Variants in SHTN1 observed in about 807,000 individuals in gnomAD.
The protein encoded by SHTN1 is shootin 1, also known as shootin-1.
A neutral mutation model predicts 83.1 loss-of-function variants in SHTN1; 42 were observed. That is an observed-to-expected ratio of 0.51 (90% confidence interval 0.39 to 0.65). The LOEUF (loss-of-function observed/expected upper bound fraction) is 0.65, where lower values mean the gene tolerates loss of function less well. Ranked by LOEUF, SHTN1 falls within the 30% of genes least tolerant of loss-of-function variation. The pLI is 0.00. For missense variants in SHTN1, 622 were observed against 737.8 expected (o/e 0.84, Z 1.82); for synonymous variants, 224 against 247.7 (o/e 0.90, Z 0.90).
chr10:116,937,934 T>C (rs943481963), intron 9 of SHTN1, among the ~76,000 whole-genome samples: 2 of 151,608 alleles, frequency 1.3e-5, no homozygotes, highest in African/African-American at 4.8e-5. Context: ...TCTGATATCT[T>C]GTCTTCTGCT....
At chr10:117,092,673 G>A (rs1589929289) in intron 1 of SHTN1, among the ~76,000 whole-genome samples, 1 of 152,314 alleles carries the variant, frequency 6.6e-6, no homozygotes, top group East Asian at 1.9e-4. Context: ...CATGCAGATA[G>A]TTTATGTACT....
intron 11 of SHTN1, among the ~76,000 whole-genome samples, chr10:116,927,347 A>T (rs1020592575): frequency 1.3e-5 from 2 of 152,214 alleles, no homozygotes; most frequent in Non-Finnish European, 1.5e-5. Flanking sequence ...GCTGCTAATA[A>T]AGATATACCC....
chr10:117,016,251 G>T (rs1192918912), intron 2 of SHTN1, among the ~76,000 whole-genome samples: 1 of 152,166 alleles, frequency 6.6e-6, no homozygotes, highest in Non-Finnish European at 1.5e-5. Flanking sequence ...GGTAGTTGTA[G>T]ATGTTTGAGG....
chr10:117,016,704 G>C (rs1282573400), intron 2 of SHTN1, among the ~76,000 whole-genome samples: 1 of 151,364 alleles, frequency 6.6e-6, no homozygotes, highest in African/African-American at 2.4e-5. Context: ...ATCGCACCTG[G>C]CCAAATTATT....
chr10:116,894,287 T>C lies in SHTN1; in HGVS notation c.1673+7478A>G, dbSNP rs189885387. 1.8e-3 allele frequency among the ~76,000 whole-genome samples: 276 copies of C among 152,294 alleles called. 1 individual carries two copies. The highest frequency in any genetic ancestry group is 3.5e-3 in the Non-Finnish European group (239 of 68,028). On this transcript the variant is annotated intron_variant, in intron 16 of 16. Transcript: ENST00000355371. ...AATTAAATGCAAATTAAAATAAAAA[T>C]GGTTTCACTGGAAATGAACATTTTC...
chr10:116,939,117 T>A (rs1849273684), intron 9 of SHTN1, among the ~76,000 whole-genome samples: 1 of 152,180 alleles, frequency 6.6e-6, no homozygotes, highest in Non-Finnish European at 1.5e-5. Context: ...GGGGGTGGGA[T>A]CTGCTGGGCT....
intron 1 of SHTN1, among the ~76,000 whole-genome samples, chr10:117,058,059 T>A (rs534730774): frequency 5.7e-4 from 86 of 152,190 alleles, no homozygotes; most frequent in Non-Finnish European, 9.0e-4. Flanking sequence ...AACATAAAAC[T>A]TCAAACTATA....
chr10:116,995,577 T>C (rs1209693096), intron 1 of SHTN1, among the ~76,000 whole-genome samples: 1 of 152,108 alleles, frequency 6.6e-6, no homozygotes, highest in African/African-American at 2.4e-5. Context: ...CTCCAAAATT[T>C]GGAAACTATT....
At chr10:116,914,805 T>A (rs970791934) in intron 13 of SHTN1, among the ~76,000 whole-genome samples, 1 of 152,172 alleles carries the variant, frequency 6.6e-6, no homozygotes, top group African/African-American at 2.4e-5. Context: ...GAGTGCTCGC[T>A]GTGGTCTAGT....
chr10:117,103,556 G>C (rs1441776320), intron 1 of SHTN1, among the ~76,000 whole-genome samples: 1 of 39,338 alleles, frequency 2.5e-5, no homozygotes, highest in Non-Finnish European at 4.3e-5. Context: ...TTTTTTTTTT[G>C]AGACGGAGTC....
intron 2 of SHTN1, among the ~76,000 whole-genome samples, chr10:117,019,479 T>C (rs571298328): frequency 6.6e-6 from 1 of 152,016 alleles, no homozygotes; most frequent in Non-Finnish European, 1.5e-5. Context: ...CCACCACACC[T>C]ATCCTTAAAA....
upstream of SHTN1, chr10:117,005,609 T>A (rs1212428539): frequency 1.0e-6 from 1 of 988,902 alleles, no homozygotes; most frequent in East Asian, 1.1e-4. Context: ...CTTCCCTAGT[T>A]TTCCCGCAGT....
chr10:116,990,287 C>CTTTTTTTTTTT (rs11399364), intron 1 of SHTN1, among the ~76,000 whole-genome samples: 10 of 119,868 alleles, frequency 8.3e-5, no homozygotes, highest in East Asian at 2.4e-4. Context: ...TTTTTTCTTT[C>CTTTTTTTTTTT]TTTTTTTTTT....
intron 2 of SHTN1, among the ~76,000 whole-genome samples, chr10:117,030,910 G>C (rs1343784794): frequency 6.6e-6 from 1 of 152,056 alleles, no homozygotes; most frequent in Non-Finnish European, 1.5e-5. Context: ...TCTTAAAGAA[G>C]AGGTAGAAAA....
chr10:117,081,329 G>C (rs1853258331), intron 1 of SHTN1, among the ~76,000 whole-genome samples: 1 of 148,108 alleles, frequency 6.8e-6, no homozygotes. Flanking sequence ...TTATATGCTG[G>C]ATTACATTTA....
chr10:117,004,547 G>A (rs1393846296), intron 1 of SHTN1, among the ~76,000 whole-genome samples: 1 of 152,080 alleles, frequency 6.6e-6, no homozygotes, highest in African/African-American at 2.4e-5. Context: ...AAGGAAAGAG[G>A]AACTAGACCG....
rs1256884281 is a variant in SHTN1 at position 116,885,290 on chromosome 10, G to C, written c.*1054C>G. 1 of 152,278 alleles carries C rather than the reference G, an allele frequency of 6.6e-6. No homozygotes were observed. Among genetic ancestry groups the C allele is most frequent in the Non-Finnish European group, 1.5e-5 (1 of 67,994 alleles). The allele number at this position is 152,278 out of a possible 1,614,324, so 9.4% of individuals were successfully genotyped here. A position where few individuals can be genotyped will look rare whatever the true frequency, so the allele number is the denominator to read the frequency against. Reference sequence around the variant, plus strand: ...TCATTGTCATAAAAAGTGCATTCAAGTACATTACCACTTATTTTAAATAAA... The same window carrying C: ...TCATTGTCATAAAAAGTGCATTCAACTACATTACCACTTATTTTAAATAAA... On this transcript the variant is annotated 3_prime_UTR_variant, in exon 17 of 17. Transcript: ENST00000355371.
At chr10:116,974,573 G>A (rs1219875446) in intron 2 of SHTN1, among the ~76,000 whole-genome samples, 1 of 152,054 alleles carries the variant, frequency 6.6e-6, no homozygotes, top group Non-Finnish European at 1.5e-5. Flanking sequence ...ATTGTTCCTG[G>A]CAAGCTGACA....
chr10:116,916,915 C>T (rs1848403879), intron 12 of SHTN1, among the ~76,000 whole-genome samples: 1 of 152,208 alleles, frequency 6.6e-6, no homozygotes, highest in East Asian at 1.9e-4. Context: ...ATCTAAACAA[C>T]AGTTTTCAGA....
Sources: gnomAD v4.1 joint callset for allele counts (sites outside exome capture counted in the v4.1 genomes callset) on GRCh38, gnomAD v4.1.1 for gene constraint, MANE v1.5 for transcripts, NCBI Gene and HGNC (gene_info 2026-07-23, HGNC 2026-07-21) for gene names.